Variants in DOCK10 observed in about 807,000 individuals in gnomAD.
DOCK10 encodes the protein dedicator of cytokinesis 10, also known as dedicator of cytokinesis protein 10.
In DOCK10, 145 loss-of-function variants were observed where a neutral mutation model predicts 280.1. The ratio of observed to expected loss-of-function variants is 0.52; its 90% CI spans 0.45 to 0.59. DOCK10 has a LOEUF of 0.59. Among genes scored for constraint, DOCK10 ranks in the 20% least tolerant of loss-of-function variants. DOCK10 has a pLI of 0.00. For synonymous variants in DOCK10, 915 were observed against 942.2 expected, an observed-to-expected ratio of 0.97 and a Z score of 0.53; for missense variants, 2,368 against 2,651.7, an observed-to-expected ratio of 0.89 and a Z score of 2.35.
chr2:224,929,947 TC>T (rs1228547672), intron 2 of DOCK10, among the ~76,000 whole-genome samples: 1 of 152,090 alleles, frequency 6.6e-6, no homozygotes, highest in East Asian at 1.9e-4. Context: ...ACCCCTGTAA[TC>T]CCAGCACTCT....
chr2:224,865,516 AAC>A (rs1697848123), intron 11 of DOCK10, among the ~76,000 whole-genome samples: 1 of 152,176 alleles, frequency 6.6e-6, no homozygotes, highest in African/African-American at 2.4e-5. Flanking sequence ...AATAATAGCT[AAC>A]AGTTATTGAG....
chr2:224,936,204 T>G (rs954747086), intron 1 of DOCK10, among the ~76,000 whole-genome samples: 40 of 152,212 alleles, frequency 2.6e-4, no homozygotes, highest in Non-Finnish European at 4.4e-5. Flanking sequence ...GTGCAGTGCA[T>G]GCCATAAATT....
Position 224,874,306 on chromosome 2 carries a change from A to G in DOCK10, c.1061T>C (p.Met354Thr). Reference protein sequence around the residue: ...TEDTVKTTRNMERLNLFSLDP... With the variant: ...TEDTVKTTRNTERLNLFSLDP... ...TAGAGAGAACAGATTTAGCCTCTCC[A>G]TGTTTCGAGTTGTTTTTACAGTATC... The change falls in exon 10 of 56, where the codon ATG (methionine) becomes ACG (threonine). Residue 354 changes from methionine (M) to threonine (T), a missense_variant. Around this residue, in one of 2 missense-constraint regions of DOCK10, gnomAD observed 1,209 missense variants for 1,250.9 expected, o/e 0.97. Coordinates refer to ENST00000258390, the MANE Select transcript of DOCK10 (RefSeq NM_014689.3). The G allele has an allele frequency of 1.2e-6, 2 of 1,613,366 alleles. No homozygotes were observed. The highest frequency in any genetic ancestry group is 8.5e-7 in the Non-Finnish European group (1 of 1,179,668).
intron 3 of DOCK10, among the ~76,000 whole-genome samples, chr2:224,896,652 G>T (rs1477880499): frequency 6.6e-6 from 1 of 152,190 alleles, no homozygotes. Flanking sequence ...AGGAGGTGGA[G>T]GTTGCAGTGA....
intron 25 of DOCK10, among the ~76,000 whole-genome samples, chr2:224,835,042 A>G (rs537902594): frequency 1.1e-4 from 16 of 152,344 alleles, no homozygotes; most frequent in Middle Eastern, 3.4e-3. Context: ...AGGAAAGAGA[A>G]GGAATGGCTT....
chr2:224,814,315 C>T lies in DOCK10; in HGVS notation c.3409+5G>A, dbSNP rs943838729. On this transcript the variant is annotated splice_donor_5th_base_variant and intron_variant, in intron 31 of 55. Coordinates refer to ENST00000258390, the MANE Select transcript of DOCK10 (RefSeq NM_014689.3). ...CTGATGCTTAGGTAAGGTAATATCA[C>T]TTACCTGATGCATGTAACTCTTGAG... is the stretch of plus-strand genomic sequence containing the variant. 7 of 1,521,738 alleles carry T rather than the reference C, an allele frequency of 4.6e-6. No homozygotes were observed. The highest frequency in any genetic ancestry group is 5.0e-5 in the East Asian group (2 of 39,854). 94.3% of individuals were successfully genotyped at this position (1,521,738 alleles called of 1,614,324 possible).
At position 224,770,975 on chromosome 2, in the gene DOCK10, T is replaced by A. The variant is rs1289387636; in HGVS notation, c.6205-330A>T. Among the ~76,000 whole-genome samples the A allele has an allele frequency of 6.6e-6, 1 of 152,152 alleles. No individual in the cohort carries two copies. Among genetic ancestry groups the A allele is most frequent in the African/African-American group, 2.4e-5 (1 of 41,428 alleles). On this transcript the variant is annotated intron_variant, in intron 53 of 55. Coordinates refer to ENST00000258390, the MANE Select transcript of DOCK10 (RefSeq NM_014689.3). The surrounding 1 kb of genome is among the most constrained non-coding windows in gnomAD (Gnocchi z 4.5). ...TTGTTAGAGACAGGGTCTCACTCTG[T>A]TGCCCAGGCTAGAGTGCAGTGGCAT...
At chr2:224,921,108 A>ATAT (rs1553613930) in intron 2 of DOCK10, among the ~76,000 whole-genome samples, 55 of 71,058 alleles carry the variant, frequency 7.7e-4, no homozygotes, top group African/African-American at 4.4e-3. Context: ...AAAAAAAAAA[A>ATAT]AAAAATATAT....
At chr2:224,963,837 A>T (rs1182562706) in intron 1 of DOCK10, among the ~76,000 whole-genome samples, 1 of 152,222 alleles carries the variant, frequency 6.6e-6, no homozygotes, top group Non-Finnish European at 1.5e-5. Context: ...GGTGGATGCA[A>T]TGTCACATTC....
chr2:224,868,012 G>A (rs1265726467), intron 11 of DOCK10, among the ~76,000 whole-genome samples: 2 of 152,188 alleles, frequency 1.3e-5, no homozygotes, highest in Non-Finnish European at 2.9e-5. Context: ...CCAAGTCAAG[G>A]AAACTGGGCT....
At chr2:224,874,515 G>A (rs1406462206) in intron 9 of DOCK10, 151 bp downstream of exon 9, 2 of 899,164 alleles carry the variant, frequency 2.2e-6, no homozygotes, top group East Asian at 2.5e-5. Context: ...AGCCCTATGT[G>A]TATGTTAATG....
chr2:225,030,725 T>A (rs1390251290), intron 1 of DOCK10, among the ~76,000 whole-genome samples: 1 of 152,240 alleles, frequency 6.6e-6, no homozygotes, highest in Non-Finnish European at 1.5e-5. Flanking sequence ...GAATCTTGAA[T>A]TAAATTCTGC....
At chr2:225,031,648 T>C (rs543891532) in intron 1 of DOCK10, among the ~76,000 whole-genome samples, 6 of 152,320 alleles carry the variant, frequency 3.9e-5, no homozygotes, top group African/African-American at 9.6e-5. Flanking sequence ...TAGGATCTGG[T>C]AGCACAGTTC....
intron 3 of DOCK10, among the ~76,000 whole-genome samples, chr2:224,902,367 G>A (rs976310462): frequency 1.3e-5 from 2 of 152,052 alleles, no homozygotes; most frequent in Non-Finnish European, 2.9e-5. Context: ...CATAAATGGT[G>A]TTCATTTTGG....
chr2:225,022,732 A>G (rs1298390282), intron 1 of DOCK10, among the ~76,000 whole-genome samples: 1 of 152,230 alleles, frequency 6.6e-6, no homozygotes, highest in African/African-American at 2.4e-5. Flanking sequence ...ATTTAAACAA[A>G]ACAACATATG....
chr2:224,946,772 T>G, intron 1 of DOCK10: 1 of 1,198,270 alleles, frequency 8.3e-7, no homozygotes, highest in South Asian at 1.6e-5. Flanking sequence ...AGAATACCAC[T>G]GTAGAGCTAA....
chr2:224,832,807 T>C (rs1035401058), intron 26 of DOCK10, among the ~76,000 whole-genome samples: 7 of 152,158 alleles, frequency 4.6e-5, no homozygotes, highest in Admixed American at 2.6e-4. Flanking sequence ...CTGGCCTGCC[T>C]CCACTATTTT....
chr2:224,922,937 C>T (rs550921589), intron 2 of DOCK10, among the ~76,000 whole-genome samples: 2 of 152,152 alleles, frequency 1.3e-5, no homozygotes, highest in South Asian at 4.1e-4. Flanking sequence ...ATTAATGACC[C>T]TCAGCATGTG....
At position 224,793,433 on chromosome 2, in the gene DOCK10, C is replaced by A. The variant is rs772414938; in HGVS notation, c.5179G>T (p.Ala1727Ser). 3.1e-6 allele frequency: 5 copies of A among 1,613,382 alleles called. No individual in the cohort carries two copies. The East Asian group carries it at 8.9e-5, about 29-fold the overall frequency. The stretch of plus-strand genomic sequence containing the variant: ...TTCAGATACTCTGCAATGAGAGCAG[C>A]AATATGGATGTAACACATGGCAGCC... ...SEAAMCYIHI[A>S]ALIAEYLKRK... The change falls in exon 46 of 56, where the codon GCT becomes TCT. Residue 1727 changes from alanine (A) to serine (S), a missense_variant. Physicochemically the swap from Ala to Ser is moderately conservative, Grantham distance 99. Around this residue, in one of 2 missense-constraint regions of DOCK10, gnomAD observed 1,159 missense variants for 1,400.8 expected, o/e 0.83. Coordinates refer to ENST00000258390, the MANE Select transcript of DOCK10 (RefSeq NM_014689.3).
Sources: gnomAD v4.1 joint callset for allele counts (sites outside exome capture counted in the v4.1 genomes callset) on GRCh38, gnomAD v4.1.1 for gene constraint, gnomAD v4.1.1 regional missense constraint, Gnocchi (gnomAD v3.1) non-coding constraint, MANE v1.5 for transcripts, NCBI Gene and HGNC (gene_info 2026-07-23, HGNC 2026-07-21) for gene names.